AFG1L: variants seen among roughly 807,000 people sequenced by gnomAD.
AFG1L encodes the protein AFG1 like ATPase.
Under a neutral mutation model 62.2 loss-of-function variants are expected in AFG1L, and 53 were observed. That is an observed-to-expected ratio of 0.85 (90% confidence interval 0.68 to 1.07). The LOEUF is 1.07. AFG1L is among the 50% of genes least tolerant of loss of function. The pLI is 0.00. For missense variants in AFG1L, 555 were observed against 590.5 expected, an observed-to-expected ratio of 0.94 and a Z score of 0.62; for synonymous variants, 228 against 210.3, an observed-to-expected ratio of 1.08 and a Z score of -0.73.
At chr6:108,492,648 A>C (rs1773819818) in intron 10 of AFG1L, among the ~76,000 whole-genome samples, 1 of 152,202 alleles carries the variant, frequency 6.6e-6, no homozygotes, top group African/African-American at 2.4e-5. Context: ...GGAAATTAGA[A>C]GGAGTTATTA....
chr6:108,385,749 G>T (rs1044288676), intron 6 of AFG1L, among the ~76,000 whole-genome samples: 2 of 152,140 alleles, frequency 1.3e-5, no homozygotes, highest in Non-Finnish European at 2.9e-5. Context: ...AAACTTTGGA[G>T]CTCAGAGACA....
At chr6:108,484,454 C>G (rs1204075653) in intron 10 of AFG1L, among the ~76,000 whole-genome samples, 1 of 152,122 alleles carries the variant, frequency 6.6e-6, no homozygotes, top group Non-Finnish European at 1.5e-5. Flanking sequence ...ATCCACATTC[C>G]TAGTCAATCC....
At chr6:108,423,557 GT>G (rs1457549950) in intron 7 of AFG1L, among the ~76,000 whole-genome samples, 2 of 151,916 alleles carry the variant, frequency 1.3e-5, no homozygotes, top group African/African-American at 4.8e-5. Flanking sequence ...TATATTAGGG[GT>G]GCTTGGTACA....
At chr6:108,349,187 A>G (rs1209494054) in intron 3 of AFG1L, among the ~76,000 whole-genome samples, 1 of 152,134 alleles carries the variant, frequency 6.6e-6, no homozygotes, top group African/African-American at 2.4e-5. Context: ...CAGACCACTT[A>G]TAAAATATGT....
chr6:108,402,711 A>ATTTCC (rs1781687480), intron 7 of AFG1L, among the ~76,000 whole-genome samples: 1 of 152,112 alleles, frequency 6.6e-6, no homozygotes, highest in African/African-American at 2.4e-5. Context: ...GGAATATTTA[A>ATTTCC]ACTTATACAT....
chr6:108,426,516 T>C (rs938363161), intron 7 of AFG1L, among the ~76,000 whole-genome samples: 2 of 152,198 alleles, frequency 1.3e-5, no homozygotes, highest in Non-Finnish European at 2.9e-5. Flanking sequence ...ACTTTTCTTT[T>C]CTTTTTCTCC....
At chr6:108,461,894 A>G (rs1772474939) in intron 8 of AFG1L, among the ~76,000 whole-genome samples, 1 of 152,158 alleles carries the variant, frequency 6.6e-6, no homozygotes, top group Non-Finnish European at 1.5e-5. Flanking sequence ...GGAGATCAAG[A>G]CCATCCTGGC....
At chr6:108,364,179 A>G (rs567732816) in intron 5 of AFG1L, among the ~76,000 whole-genome samples, 62 of 152,260 alleles carry the variant, frequency 4.1e-4, no homozygotes, top group South Asian at 2.7e-3. Context: ...TGTGTGGCCA[A>G]TTGTCTTCTG....
intron 2 of AFG1L, chr6:108,344,738 A>T (rs1210669468): frequency 1.9e-5 from 9 of 470,748 alleles, no homozygotes; most frequent in Non-Finnish European, 4.0e-5. Flanking sequence ...CCCTTTCTGA[A>T]CTCACTCCAC....
chr6:108,431,706 C>G (rs1235108551), intron 7 of AFG1L, among the ~76,000 whole-genome samples: 1 of 151,006 alleles, frequency 6.6e-6, no homozygotes, highest in Non-Finnish European at 1.5e-5. Flanking sequence ...ATTCAAGTGC[C>G]CGTGTAGCTG....
intron 6 of AFG1L, among the ~76,000 whole-genome samples, chr6:108,390,505 C>T (rs887253540): frequency 1.3e-5 from 2 of 152,148 alleles, no homozygotes; most frequent in African/African-American, 4.8e-5. Context: ...GTTTTATCTA[C>T]CTTTGGTCTT....
At position 108,477,186 on chromosome 6, in the gene AFG1L, C is replaced by A; in HGVS notation, c.962-6C>A. 1 of 1,562,102 alleles carries A rather than the reference C, an allele frequency of 6.4e-7. No individual in the cohort carries two copies. Among genetic ancestry groups the A allele is most frequent in the Non-Finnish European group, 8.7e-7 (1 of 1,145,106 alleles). On this transcript the variant is annotated splice_region_variant and splice_polypyrimidine_tract_variant and intron_variant, in intron 9 of 12. Transcript: ENST00000368977. ...CAAGATTGAGTCTTTGTTCATGTTC[C>A]CATAGTAACTAGACCAAGGATTCTA...
chr6:108,458,035 A>G (rs963546848), intron 8 of AFG1L, among the ~76,000 whole-genome samples: 7 of 151,968 alleles, frequency 4.6e-5, no homozygotes, highest in African/African-American at 1.7e-4. Context: ...CCTTCTCTGC[A>G]TAAGGATATA....
rs376885544 is a variant in AFG1L at position 108,324,157 on chromosome 6, C to T, written c.363+109C>T. The T allele has an allele frequency of 1.3e-4, 93 of 742,908 alleles. 6 individuals carry two copies. The highest frequency in any genetic ancestry group is 8.0e-4 in the Admixed American group (27 of 33,922). 46.0% of individuals were successfully genotyped at this position (742,908 alleles called of 1,614,324 possible). ...ATGAAACATCTTGAAAAATTTTCACCAGTTCCTTTACACAAATTCTGTTGG... is the reference window on the plus strand; with the variant it reads ...ATGAAACATCTTGAAAAATTTTCACTAGTTCCTTTACACAAATTCTGTTGG... On this transcript the variant is annotated intron_variant, in intron 2 of 12. Transcript: ENST00000368977.
At chr6:108,397,154 GA>G (rs893986049) in intron 6 of AFG1L, among the ~76,000 whole-genome samples, 4 of 152,042 alleles carry the variant, frequency 2.6e-5, no homozygotes, top group African/African-American at 9.7e-5. Context: ...TCAGCCTCCT[GA>G]GTAGCTGGGA....
At chr6:108,399,111 C>T (rs187404221) in intron 6 of AFG1L, among the ~76,000 whole-genome samples, 2 of 150,564 alleles carry the variant, frequency 1.3e-5, no homozygotes, top group Non-Finnish European at 3.0e-5. Flanking sequence ...TGTGTTTGTG[C>T]CCTCTTTAAT....
chr6:108,324,158 A>C (rs1777938936), intron 2 of AFG1L, 110 bp downstream of exon 2: 1 of 734,714 alleles, frequency 1.4e-6, no homozygotes, highest in Admixed American at 3.0e-5. Context: ...AATTTTCACC[A>C]GTTCCTTTAC....
intron 6 of AFG1L, among the ~76,000 whole-genome samples, chr6:108,401,190 C>T (rs1354472927): frequency 6.9e-5 from 10 of 144,436 alleles, no homozygotes; most frequent in African/African-American, 2.1e-4. Flanking sequence ...GGCCGGACTG[C>T]GGACTGCAGT....
At chr6:108,483,778 C>A (rs2114831889) in intron 10 of AFG1L, among the ~76,000 whole-genome samples, 1 of 152,210 alleles carries the variant, frequency 6.6e-6, no homozygotes, top group South Asian at 2.1e-4. Context: ...TGTTTATTAC[C>A]TTTCTTCTTT....
Sources: allele counts gnomAD v4.1 joint callset (sites outside exome capture counted in the v4.1 genomes callset), GRCh38; gene constraint gnomAD v4.1.1; transcripts MANE v1.5; gene names NCBI Gene and HGNC (gene_info 2026-07-23, HGNC 2026-07-21).